TTC7A: variants seen among roughly 807,000 people sequenced by gnomAD.
TTC7A encodes tetratricopeptide repeat domain 7A, also known as tetratricopeptide repeat protein 7A.
A neutral mutation model predicts 103.7 loss-of-function variants in TTC7A; 110 were observed. That is an observed-to-expected ratio of 1.06 (90% CI 0.91 to 1.24). The LOEUF (loss-of-function observed/expected upper bound fraction) is 1.24. TTC7A is among the 50% of genes most tolerant of loss of function. The probability of loss-of-function intolerance (pLI) is 0.00; values close to 1 mark genes in which losing one functional copy is unlikely to be tolerated. For synonymous variants in TTC7A, 521 were observed against 467.9 expected (o/e 1.11, Z -1.47); for missense variants, 1,340 against 1,116.3 (o/e 1.20, Z -2.86).
At chr2:47,054,538 A>C (rs1353584912) in intron 18 of TTC7A, among the ~76,000 whole-genome samples, 2 of 152,174 alleles carry the variant, frequency 1.3e-5, no homozygotes, top group Non-Finnish European at 2.9e-5. Context: ...TCCCATTAAA[A>C]GTCAGGGGAT....
At chr2:47,054,921 G>A (rs1683192204) in intron 18 of TTC7A, among the ~76,000 whole-genome samples, 1 of 151,938 alleles carries the variant, frequency 6.6e-6, no homozygotes, top group African/African-American at 2.4e-5. Flanking sequence ...CCACGGCCAG[G>A]AAAGGAACAT....
chr2:46,942,217 A>G (rs1019120380), intron 1 of TTC7A, among the ~76,000 whole-genome samples: 23 of 152,168 alleles, frequency 1.5e-4, no homozygotes, highest in Non-Finnish European at 3.1e-4. Flanking sequence ...AGGCTTGGCC[A>G]GCCTCAGTTT....
intron 2 of TTC7A, among the ~76,000 whole-genome samples, chr2:46,923,313 A>G (rs564227883): frequency 6.6e-6 from 1 of 152,152 alleles, no homozygotes; most frequent in African/African-American, 2.4e-5. Flanking sequence ...AAGAGTCCCA[A>G]CCTTCTAATC....
At chr2:47,071,422 C>A (rs994832352) in intron 19 of TTC7A, among the ~76,000 whole-genome samples, 1 of 152,198 alleles carries the variant, frequency 6.6e-6, no homozygotes, top group Non-Finnish European at 1.5e-5. Context: ...AGTCACTCCA[C>A]CCGCTCCCCA....
chr2:47,004,782 G>C (rs1408051604), intron 8 of TTC7A, among the ~76,000 whole-genome samples: 1 of 151,964 alleles, frequency 6.6e-6, no homozygotes, highest in African/African-American at 2.4e-5. Context: ...ACCATTTCTG[G>C]CCCCAGAGTG....
At chr2:46,932,094 G>A (rs1669735501) in intron 2 of TTC7A, among the ~76,000 whole-genome samples, 1 of 150,818 alleles carries the variant, frequency 6.6e-6, no homozygotes, top group Non-Finnish European at 1.5e-5. Flanking sequence ...ACTAGGAATA[G>A]AAAAAACTTC....
At chr2:47,029,806 C>T (rs192182200) in intron 15 of TTC7A, among the ~76,000 whole-genome samples, 9 of 152,326 alleles carry the variant, frequency 5.9e-5, no homozygotes, top group South Asian at 4.1e-4. Flanking sequence ...CAGCTGGAGA[C>T]GGGTTATGGC....
chr2:46,920,624 C>G (rs1424764074), intron 2 of TTC7A, among the ~76,000 whole-genome samples: 1 of 151,214 alleles, frequency 6.6e-6, no homozygotes, highest in Non-Finnish European at 1.5e-5. Context: ...AACCACCATG[C>G]CTGGCCTTAG....
chr2:46,990,135 G>T (rs1675478815), intron 5 of TTC7A, among the ~76,000 whole-genome samples: 2 of 152,232 alleles, frequency 1.3e-5, no homozygotes, highest in Admixed American at 6.5e-5. Context: ...CCAGCTGCCA[G>T]GGTTGTCCTA....
rs1159489587 is a variant in TTC7A, at chr2:47,074,659, G to C, written c.*736G>C. ...CAACACATTACTCCTGCAGGTCTTA[G>C]GCTACAATGCAGGTCCCTTGAGGGC... On this transcript the variant is annotated 3_prime_UTR_variant, in exon 20 of 20. Transcript: ENST00000319190. 6.6e-6 allele frequency: 1 copy of C among 152,486 alleles called. No individual in the cohort carries two copies. Among genetic ancestry groups the C allele is most frequent in the African/African-American group, 2.4e-5 (1 of 41,448 alleles). 9.4% of individuals were successfully genotyped at this position (152,486 alleles called of 1,614,324 possible). A position where few individuals can be genotyped will look rare whatever the true frequency, so the allele number is the denominator to read the frequency against.
At chr2:46,960,261 A>G (rs950074027) in intron 3 of TTC7A, among the ~76,000 whole-genome samples, 4 of 152,222 alleles carry the variant, frequency 2.6e-5, no homozygotes, top group Non-Finnish European at 5.9e-5. Flanking sequence ...CCTGTTGCTC[A>G]GTAATGCCCT....
rs753160406 is a variant in TTC7A at position 46,993,541 on chromosome 2, G to A, written c.843+13G>A. 5 of 1,612,816 alleles carry A rather than the reference G, an allele frequency of 3.1e-6. No homozygotes were observed. The highest frequency in any genetic ancestry group is 3.4e-6 in the Non-Finnish European group (4 of 1,178,796). On this transcript the variant is annotated intron_variant, in intron 6 of 19. Coordinates refer to ENST00000319190, the MANE Select transcript of TTC7A (RefSeq NM_020458.4). ...GAACTTCAAAGTGGTAATGTGGGGTGCTGGCAGTGCTGGCTTATTTAGGAG... is the reference window on the plus strand; with the variant it reads ...GAACTTCAAAGTGGTAATGTGGGGTACTGGCAGTGCTGGCTTATTTAGGAG...
chr2:46,957,846 C>T (rs567774245), intron 3 of TTC7A, among the ~76,000 whole-genome samples: 3 of 152,154 alleles, frequency 2.0e-5, no homozygotes, highest in African/African-American at 4.8e-5. Flanking sequence ...ACAAACCAAC[C>T]TCCAGAGAAA....
intron 5 of TTC7A, among the ~76,000 whole-genome samples, chr2:46,986,411 C>T (rs1283138879): frequency 6.6e-6 from 1 of 152,118 alleles, no homozygotes; most frequent in Non-Finnish European, 1.5e-5. Context: ...GCCCTCACTG[C>T]GGGGTTCGAG....
chr2:46,981,401 G>A (rs972353250), intron 5 of TTC7A, among the ~76,000 whole-genome samples: 1 of 152,088 alleles, frequency 6.6e-6, no homozygotes, highest in Non-Finnish European at 1.5e-5. Flanking sequence ...AGAGCTATGT[G>A]GGGCTGGGCA....
intron 3 of TTC7A, among the ~76,000 whole-genome samples, chr2:46,961,112 C>T (rs750754652): frequency 8.5e-5 from 13 of 152,316 alleles, no homozygotes; most frequent in Middle Eastern, 3.4e-3. Context: ...TTGTAACTTC[C>T]GCCAGCCTAC....
chr2:47,058,098 A>T (rs1351353331), intron 18 of TTC7A, among the ~76,000 whole-genome samples: 3 of 152,118 alleles, frequency 2.0e-5, no homozygotes, highest in Admixed American at 6.5e-5. Flanking sequence ...AGGCTGAGAG[A>T]GCCAAATCTC....
At chr2:46,994,328 C>G (rs1349549161) in intron 6 of TTC7A, 29 bp from the exon 7 acceptor site, 5 of 1,600,452 alleles carry the variant, frequency 3.1e-6, no homozygotes, top group Admixed American at 1.7e-5. Context: ...ACAACTGTGC[C>G]TGGGTCCGAG....
At chr2:46,996,794 C>G (rs1676236881) in intron 8 of TTC7A, among the ~76,000 whole-genome samples, 1 of 152,182 alleles carries the variant, frequency 6.6e-6, no homozygotes, top group Non-Finnish European at 1.5e-5. Context: ...GTGCTTTTTA[C>G]TTTTTAAAAT....
Sources: gnomAD v4.1 joint callset for allele counts (sites outside exome capture counted in the v4.1 genomes callset) on GRCh38, gnomAD v4.1.1 for gene constraint, MANE v1.5 for transcripts, NCBI Gene and HGNC (gene_info 2026-07-23, HGNC 2026-07-21) for gene names.